The following DSCAM variants were observed in gnomAD, a reference collection of about 807,000 sequenced individuals.
DSCAM encodes the protein DS cell adhesion molecule, also known as cell adhesion molecule DSCAM.
Under a neutral mutation model 217.7 loss-of-function variants are expected in DSCAM, and 47 were observed. That is an observed-to-expected ratio of 0.22 (90% CI 0.17 to 0.28). The LOEUF (loss-of-function observed/expected upper bound fraction) is 0.28. Among genes scored for constraint, DSCAM ranks in the 10% least tolerant of loss-of-function variants. The pLI is 1.00. For missense variants in DSCAM, 2,080 were observed against 2,618.3 expected, an observed-to-expected ratio of 0.79 and a Z score of 4.49; for synonymous variants, 1,056 against 1,015.3, an observed-to-expected ratio of 1.04 and a Z score of -0.76.
chr21:40,737,595 T>C (rs1472671483), intron 1 of DSCAM, among the ~76,000 whole-genome samples: 1 of 152,168 alleles, frequency 6.6e-6, no homozygotes, highest in East Asian at 1.9e-4. Context: ...GAGCCGAGAT[T>C]GCACCACTTA....
At position 40,610,013 on chromosome 21, in the gene DSCAM, C is replaced by T. The variant is rs546295092; in HGVS notation, c.508+82797G>A. Reference sequence around the variant, plus strand: ...GCCACAATCCTGCCTCATAGGGAGACGGACTATTTCTTAGGTTCACAGGAT... The same window carrying T: ...GCCACAATCCTGCCTCATAGGGAGATGGACTATTTCTTAGGTTCACAGGAT... On this transcript the variant is annotated intron_variant, in intron 3 of 32. Coordinates refer to ENST00000400454, the MANE Select transcript of DSCAM (RefSeq NM_001389.5). 4.6e-5 allele frequency among the ~76,000 whole-genome samples: 7 copies of T among 152,316 alleles called. No individual in the cohort carries two copies. The East Asian group carries it at 9.7e-4, about 21-fold the overall frequency.
intron 16 of DSCAM, among the ~76,000 whole-genome samples, chr21:40,157,863 T>G (rs938804594): frequency 6.6e-6 from 1 of 151,994 alleles, no homozygotes; most frequent in Non-Finnish European, 1.5e-5. Context: ...CCCAGCTATT[T>G]TTTTTCTTTT....
intron 3 of DSCAM, among the ~76,000 whole-genome samples, chr21:40,577,384 A>ACGGTAGT (rs201011968): frequency 0.012 from 1,798 of 152,194 alleles, 20 homozygotes; most frequent in South Asian, 0.033. Context: ...GGGCACTGAC[A>ACGGTAGT]CGGTAGTCGA....
intron 3 of DSCAM, among the ~76,000 whole-genome samples, chr21:40,423,605 T>G (rs554379869): frequency 1.3e-5 from 2 of 152,222 alleles, no homozygotes; most frequent in Non-Finnish European, 2.9e-5. Flanking sequence ...CTTTCTTTCC[T>G]GTTCTAAAGC....
chr21:40,176,510 A>C (rs1014287488), intron 15 of DSCAM, among the ~76,000 whole-genome samples: 3 of 152,188 alleles, frequency 2.0e-5, no homozygotes, highest in Non-Finnish European at 4.4e-5. Context: ...AGCAGTGTCT[A>C]CAGCCCCTGC....
intron 32 of DSCAM, among the ~76,000 whole-genome samples, chr21:40,029,580 A>C (rs991744883): frequency 1.1e-4 from 17 of 152,090 alleles, no homozygotes; most frequent in African/African-American, 4.1e-4. Context: ...GGAGAGTAGG[A>C]GGCGGGCCCC....
intron 3 of DSCAM, among the ~76,000 whole-genome samples, chr21:40,555,594 T>C (rs2076664989): frequency 6.6e-6 from 1 of 152,226 alleles, no homozygotes; most frequent in South Asian, 2.1e-4. Flanking sequence ...TAAATGTGAA[T>C]GCAGAACATT....
intron 10 of DSCAM, among the ~76,000 whole-genome samples, chr21:40,294,043 G>A (rs993485298): frequency 6.6e-6 from 1 of 152,162 alleles, no homozygotes. Flanking sequence ...TTTGAGTGAT[G>A]TTATTGGGGG....
intron 11 of DSCAM, among the ~76,000 whole-genome samples, chr21:40,192,426 G>T (rs1447578846): frequency 6.6e-6 from 1 of 152,110 alleles, no homozygotes; most frequent in African/African-American, 2.4e-5. Flanking sequence ...TTTTATGAGG[G>T]GCTTTCCGCC....
At chr21:40,244,013 G>A (rs1352641565) in intron 11 of DSCAM, among the ~76,000 whole-genome samples, 2 of 152,070 alleles carry the variant, frequency 1.3e-5, no homozygotes, top group Non-Finnish European at 2.9e-5. Flanking sequence ...TGCCCAAATG[G>A]GTTGTTCCTT....
intron 1 of DSCAM, among the ~76,000 whole-genome samples, chr21:40,751,834 CAA>C (rs1304340242): frequency 1.3e-5 from 2 of 152,174 alleles, no homozygotes; most frequent in Non-Finnish European, 2.9e-5. Context: ...CAAAAAAAGA[CAA>C]AGTTACATTT....
At chr21:40,097,018 C>A (rs2089685449) in intron 20 of DSCAM, among the ~76,000 whole-genome samples, 1 of 152,020 alleles carries the variant, frequency 6.6e-6, no homozygotes, top group Admixed American at 6.5e-5. Flanking sequence ...AGTAGACCCA[C>A]ATTACAAGAA....
intron 6 of DSCAM, among the ~76,000 whole-genome samples, chr21:40,341,325 C>A (rs1046151179): frequency 2.6e-5 from 4 of 152,100 alleles, no homozygotes; most frequent in Non-Finnish European, 5.9e-5. Flanking sequence ...TTTCACGTGT[C>A]CTTTATAATT....
At chr21:40,434,654 C>T (rs1987322555) in intron 3 of DSCAM, among the ~76,000 whole-genome samples, 1 of 152,140 alleles carries the variant, frequency 6.6e-6, no homozygotes, top group Non-Finnish European at 1.5e-5. Flanking sequence ...GCAGCAGCAC[C>T]TCAATTATAA....
intron 32 of DSCAM, among the ~76,000 whole-genome samples, chr21:40,037,052 C>G: frequency 6.7e-6 from 1 of 150,320 alleles, no homozygotes; most frequent in African/African-American, 2.5e-5. Flanking sequence ...AAACCCACAG[C>G]CAATATCATA....
intron 20 of DSCAM, among the ~76,000 whole-genome samples, chr21:40,107,120 T>G (rs2089831205): frequency 6.6e-6 from 1 of 152,252 alleles, no homozygotes; most frequent in South Asian, 2.1e-4. Flanking sequence ...TACTATAAAT[T>G]TCTCTCTTAA....
intron 20 of DSCAM, among the ~76,000 whole-genome samples, chr21:40,118,003 G>A (rs2146654159): frequency 6.6e-6 from 1 of 152,174 alleles, no homozygotes; most frequent in South Asian, 2.1e-4. Flanking sequence ...AGACACATAT[G>A]AGACATGGTA....
intron 8 of DSCAM, among the ~76,000 whole-genome samples, chr21:40,316,628 C>T (rs2074199887): frequency 6.6e-6 from 1 of 152,128 alleles, no homozygotes; most frequent in Non-Finnish European, 1.5e-5. Context: ...GAGCAGAAAT[C>T]CTGAATATGA....
At chr21:40,213,366 C>T (rs1311651426) in intron 11 of DSCAM, among the ~76,000 whole-genome samples, 1 of 152,100 alleles carries the variant, frequency 6.6e-6, no homozygotes, top group Non-Finnish European at 1.5e-5. Context: ...CTCCTGCCTC[C>T]CTGTGCACAC....
Sources: allele counts gnomAD v4.1 joint callset (sites outside exome capture counted in the v4.1 genomes callset), GRCh38; gene constraint gnomAD v4.1.1; transcripts MANE v1.5; gene names NCBI Gene and HGNC (gene_info 2026-07-23, HGNC 2026-07-21).